ATG10: variants seen among roughly 807,000 people sequenced by gnomAD.
The protein encoded by ATG10 is ubiquitin-like-conjugating enzyme ATG10.
Under a neutral mutation model 32.1 loss-of-function variants are expected in ATG10, and 30 were observed. The observed-to-expected ratio is 0.94, with a 90% CI of 0.70 to 1.27. ATG10 has a LOEUF of 1.27. Among genes scored for constraint, ATG10 ranks in the 50% most tolerant of loss-of-function variants. The pLI, the probability that ATG10 is intolerant of heterozygous loss-of-function variation, is 0.00. For missense variants in ATG10, 233 were observed against 262.3 expected (o/e 0.89, Z 0.77); for synonymous variants, 87 against 91.5 (o/e 0.95, Z 0.28).
Position 81,979,031 on chromosome 5 carries a change from C to T in ATG10, c.-13+6725C>T, listed in dbSNP as rs1760952552. On this transcript the variant is annotated intron_variant, in intron 1 of 7. Transcript: ENST00000282185. The stretch of plus-strand genomic sequence containing the variant: ...TCTCCTGCCTCAGCCTCTGGAGTAG[C>T]TGGGACTACAGGTGCACATCACTGC... Among the ~76,000 whole-genome samples the T allele has an allele frequency of 2.6e-5, 4 of 151,992 alleles. No individual in the cohort carries two copies. In the South Asian group the frequency reaches 8.3e-4, roughly 31 times the overall value.
intron 2 of ATG10, among the ~76,000 whole-genome samples, chr5:82,028,606 T>C (rs1762658306): frequency 6.6e-6 from 1 of 152,218 alleles, no homozygotes; most frequent in African/African-American, 2.4e-5. Context: ...CTACTGCAAC[T>C]GAGGCTGCTT....
chr5:82,040,289 AC>A (rs1270464829), intron 2 of ATG10, among the ~76,000 whole-genome samples: 1 of 152,218 alleles, frequency 6.6e-6, no homozygotes, highest in Non-Finnish European at 1.5e-5. Context: ...AATAAAGGCA[AC>A]ATTGAAATAC....
At chr5:82,202,900 C>T (rs551900268) in intron 5 of ATG10, among the ~76,000 whole-genome samples, 2 of 152,104 alleles carry the variant, frequency 1.3e-5, no homozygotes, top group South Asian at 4.2e-4. Context: ...ACTCTTTGGG[C>T]AGGGGTATGA....
chr5:82,206,229 A>C (rs1745288408), intron 5 of ATG10, among the ~76,000 whole-genome samples: 1 of 152,230 alleles, frequency 6.6e-6, no homozygotes, highest in Non-Finnish European at 1.5e-5. Flanking sequence ...AACTTGAGAT[A>C]GAAGGAAAGA....
At chr5:82,006,460 AT>A (rs1320310715) in intron 2 of ATG10, among the ~76,000 whole-genome samples, 1 of 152,190 alleles carries the variant, frequency 6.6e-6, no homozygotes, top group East Asian at 1.9e-4. Context: ...TGTGGCATAT[AT>A]GAAGTGATGT....
chr5:82,118,404 ATG>A (rs1765913079), intron 3 of ATG10, among the ~76,000 whole-genome samples: 2 of 138,438 alleles, frequency 1.4e-5, no homozygotes, highest in Non-Finnish European at 3.1e-5. Flanking sequence ...ATATATATAT[ATG>A]TATGTATATA....
At chr5:81,993,909 T>G (rs1761582055) in intron 2 of ATG10, among the ~76,000 whole-genome samples, 1 of 152,172 alleles carries the variant, frequency 6.6e-6, no homozygotes, top group African/African-American at 2.4e-5. Flanking sequence ...ATTGTCTGAG[T>G]TTCTCTAGGA....
chr5:82,066,540 T>C (rs1334189796), intron 3 of ATG10, among the ~76,000 whole-genome samples: 1 of 152,148 alleles, frequency 6.6e-6, no homozygotes, highest in Non-Finnish European at 1.5e-5. Context: ...GTTCACTAAC[T>C]GGGATTTTCC....
At chr5:82,132,806 A>G (rs1766595044) in intron 3 of ATG10, among the ~76,000 whole-genome samples, 1 of 152,120 alleles carries the variant, frequency 6.6e-6, no homozygotes, top group Non-Finnish European at 1.5e-5. Flanking sequence ...ATCCTTGAGG[A>G]ATCACCGCAC....
intron 2 of ATG10, among the ~76,000 whole-genome samples, chr5:82,021,716 A>T (rs1762442696): frequency 1.3e-5 from 2 of 151,766 alleles, no homozygotes; most frequent in Non-Finnish European, 2.9e-5. Flanking sequence ...CCCTGTCTCT[A>T]CTAAAAATAC....
intron 5 of ATG10, among the ~76,000 whole-genome samples, chr5:82,194,582 G>T (rs1325015120): frequency 6.6e-6 from 1 of 152,136 alleles, no homozygotes; most frequent in Non-Finnish European, 1.5e-5. Context: ...TCTTAACTGA[G>T]ATCAGTGTGG....
chr5:82,083,454 T>C (rs1053586809), intron 3 of ATG10, among the ~76,000 whole-genome samples: 1 of 152,202 alleles, frequency 6.6e-6, no homozygotes, highest in Non-Finnish European at 1.5e-5. Flanking sequence ...GACTTAAACA[T>C]GCCTGTCTGA....
chr5:82,180,269 C>G (rs1057495309), intron 5 of ATG10, among the ~76,000 whole-genome samples: 2 of 152,146 alleles, frequency 1.3e-5, no homozygotes, highest in African/African-American at 2.4e-5. Context: ...CTATACTCCT[C>G]TTGTGCAGTT....
At chr5:82,226,257 A>G (rs748177577) in intron 5 of ATG10, among the ~76,000 whole-genome samples, 5 of 152,190 alleles carry the variant, frequency 3.3e-5, no homozygotes, top group African/African-American at 4.8e-5. Context: ...TCTTGTACCA[A>G]TGAGTGAATT....
chr5:82,064,848 C>T (rs1211732089), intron 3 of ATG10, among the ~76,000 whole-genome samples: 1 of 152,076 alleles, frequency 6.6e-6, no homozygotes, highest in Non-Finnish European at 1.5e-5. Flanking sequence ...ACTATAGGTA[C>T]TGCACTAAGT....
intron 3 of ATG10, among the ~76,000 whole-genome samples, chr5:82,128,356 T>G (rs1766367020): frequency 6.6e-6 from 1 of 151,620 alleles, no homozygotes; most frequent in Admixed American, 6.6e-5. Flanking sequence ...ATTTTGCCAG[T>G]TAGTTAATGC....
chr5:82,121,067 A>G (rs1052177529), intron 3 of ATG10, among the ~76,000 whole-genome samples: 1 of 152,204 alleles, frequency 6.6e-6, no homozygotes, highest in African/African-American at 2.4e-5. Flanking sequence ...ACCCAGGAAT[A>G]AGGGTTAGAA....
intron 3 of ATG10, among the ~76,000 whole-genome samples, chr5:82,068,288 TAACACAGAAACAGAA>T (rs1764004953): frequency 6.6e-6 from 1 of 151,920 alleles, no homozygotes; most frequent in South Asian, 2.1e-4. Flanking sequence ...CTCAGCAAAC[TAACACAGAAACAGAA>T]AACCAAACAC....
chr5:82,020,424 C>T (rs1450674954), intron 2 of ATG10, among the ~76,000 whole-genome samples: 3 of 152,136 alleles, frequency 2.0e-5, no homozygotes. Flanking sequence ...CGGACTGGGA[C>T]CAAGTTGTTT....
Sources: allele counts gnomAD v4.1 joint callset (sites outside exome capture counted in the v4.1 genomes callset), GRCh38; gene constraint gnomAD v4.1.1; transcripts MANE v1.5; gene names NCBI Gene and HGNC (gene_info 2026-07-23, HGNC 2026-07-21).